Variants in PSMD1 observed in about 807,000 individuals in gnomAD.
The protein encoded by PSMD1 is proteasome 26S subunit, non-ATPase 1, also known as 26S proteasome non-ATPase regulatory subunit 1.
Under a neutral mutation model 119.0 loss-of-function variants are expected in PSMD1, and 18 were observed. That is an observed-to-expected ratio of 0.15 (90% CI 0.10 to 0.22). PSMD1 has a LOEUF of 0.22. Ranked by LOEUF, PSMD1 falls within the 10% of genes least tolerant of loss-of-function variation. PSMD1 has a pLI of 1.00. For missense variants in PSMD1, 702 were observed against 1,158.5 expected, an observed-to-expected ratio of 0.61 and a Z score of 5.72; for synonymous variants, 374 against 396.6, an observed-to-expected ratio of 0.94 and a Z score of 0.68.
Position 231,062,617 on chromosome 2 carries a change from T to C in PSMD1, c.246T>C (p.Leu82=), listed in dbSNP as rs1322917493. The C allele has an allele frequency of 1.1e-5, 18 of 1,613,562 alleles. No individual in the cohort carries two copies. Among genetic ancestry groups the C allele is most frequent in the Non-Finnish European group, 1.5e-5 (18 of 1,179,838 alleles). ...GAFEESLNYA[L]GAGDLFNVND... ...TTGAGGAGTCTCTGAATTATGCTCT[T>C]GGAGCAGGGGACCTCTTCAATGTCA... The change falls in exon 4 of 25, where the codon CTT becomes CTC. Residue 82 remains leucine, a synonymous_variant. Transcript: ENST00000308696.
intron 16 of PSMD1, among the ~76,000 whole-genome samples, chr2:231,100,040 G>A (rs187987540): frequency 6.6e-6 from 1 of 152,056 alleles, no homozygotes; most frequent in East Asian, 1.9e-4. Context: ...GTTATTCCTC[G>A]CACTGGGTGG....
At chr2:231,084,747 T>G (rs950893510) in intron 14 of PSMD1, among the ~76,000 whole-genome samples, 1 of 152,200 alleles carries the variant, frequency 6.6e-6, no homozygotes, top group Non-Finnish European at 1.5e-5. Context: ...GAGTGGCTGT[T>G]GCTGTTGACT....
Position 231,167,429 on chromosome 2 carries a change from A to G in PSMD1, c.2715+1412A>G, listed in dbSNP as rs187928840. Among the ~76,000 whole-genome samples the G allele has an allele frequency of 1.1e-3, 170 of 152,396 alleles. 2 individuals carry two copies. Among genetic ancestry groups the G allele is most frequent in the African/African-American group, 3.8e-3 (160 of 41,598 alleles). ...GCCATATGAGCACACTGTACACCAC[A>G]GTAGAAAACTAAATGATTGCTAAGC... On this transcript the variant is annotated intron_variant, in intron 23 of 24. Coordinates refer to ENST00000308696, the MANE Select transcript of PSMD1 (RefSeq NM_002807.4).
chr2:231,071,655 A>T lies in PSMD1; in HGVS notation c.655-534A>T, dbSNP rs368437475. ...AGTTGAGTTACTTGCTGCCTAAGGG[A>T]ACAAGAAAATTTAAATTGAGTTTTT... On this transcript the variant is annotated intron_variant, in intron 6 of 24. Transcript: ENST00000308696. 8.2e-4 allele frequency among the ~76,000 whole-genome samples: 125 copies of T among 152,290 alleles called. No individual in the cohort carries two copies. The Middle Eastern group carries it at 0.01, about 12-fold the overall frequency.
intron 16 of PSMD1, among the ~76,000 whole-genome samples, chr2:231,091,083 G>A (rs1427575511): frequency 6.6e-6 from 1 of 152,186 alleles, no homozygotes; most frequent in African/African-American, 2.4e-5. Flanking sequence ...GTGGGCTAGG[G>A]GGCTGCTGGC....
At chr2:231,070,735 T>C (rs1462861955) in intron 6 of PSMD1, among the ~76,000 whole-genome samples, 2 of 152,130 alleles carry the variant, frequency 1.3e-5, no homozygotes, top group South Asian at 2.1e-4. Flanking sequence ...TCCCTACTTA[T>C]TCACACATGT....
At chr2:231,099,846 C>G (rs890220623) in intron 16 of PSMD1, among the ~76,000 whole-genome samples, 1 of 152,118 alleles carries the variant, frequency 6.6e-6, no homozygotes. Flanking sequence ...GTTCACTGCC[C>G]CCCTCCCCCT....
intron 16 of PSMD1, among the ~76,000 whole-genome samples, chr2:231,117,575 A>C (rs1695387886): frequency 6.6e-6 from 1 of 152,172 alleles, no homozygotes; most frequent in Non-Finnish European, 1.5e-5. Context: ...TTATCTAAAG[A>C]ATATCAGTAG....
rs1296763466 is a variant in PSMD1, at chr2:231,079,672, TAAG to T, written c.1239+61_1239+63del. 8.4e-6 allele frequency: 9 copies of T among 1,075,468 alleles called. No individual in the cohort carries two copies. The African/African-American group carries it at 9.7e-5, about 12-fold the overall frequency. 66.6% of individuals were successfully genotyped at this position (1,075,468 alleles called of 1,614,324 possible). On this transcript the variant is annotated intron_variant, in intron 11 of 24. Coordinates refer to ENST00000308696, the MANE Select transcript of PSMD1 (RefSeq NM_002807.4). ...AGAAAAGAAGTAATTTTTCTGGGGT[TAAG>T]AAAAAATAACAGTTTATTATAATTC...
rs530817490 is a variant in PSMD1 at position 231,141,205 on chromosome 2, G to A, written c.1998+2355G>A. 8.5e-5 allele frequency among the ~76,000 whole-genome samples: 13 copies of A among 152,070 alleles called. 1 individual carries two copies. The South Asian group carries it at 2.7e-3, about 32-fold the overall frequency. ...TGTAATCCCAGATACTCGGGAGGCT[G>A]AGGCAGAATTGCTTGAACCCAGGAG... On this transcript the variant is annotated intron_variant, in intron 17 of 24. Coordinates refer to ENST00000308696, the MANE Select transcript of PSMD1 (RefSeq NM_002807.4).
chr2:231,096,945 A>G (rs1401459724), intron 16 of PSMD1, among the ~76,000 whole-genome samples: 3 of 152,224 alleles, frequency 2.0e-5, no homozygotes, highest in Non-Finnish European at 4.4e-5. Flanking sequence ...AGGAAATCGA[A>G]AAAGGTTGCT....
chr2:231,137,230 G>A (rs746401334), intron 16 of PSMD1, among the ~76,000 whole-genome samples: 2 of 151,472 alleles, frequency 1.3e-5, no homozygotes, highest in Non-Finnish European at 2.9e-5. Context: ...GGATTCTCCT[G>A]CTTCAGCCTC....
intron 16 of PSMD1, among the ~76,000 whole-genome samples, chr2:231,114,737 G>T (rs547079349): frequency 6.6e-6 from 1 of 152,042 alleles, no homozygotes; most frequent in Non-Finnish European, 1.5e-5. Flanking sequence ...AAAATTTTAG[G>T]TGTGGATGTG....
chr2:231,144,073 T>C (rs1696194136), intron 17 of PSMD1, among the ~76,000 whole-genome samples: 1 of 152,160 alleles, frequency 6.6e-6, no homozygotes, highest in African/African-American at 2.4e-5. Context: ...CTAATATTTG[T>C]TTATTACTAT....
rs201118764 is a variant in PSMD1, at chr2:231,146,264, A to G, written c.2023A>G (p.Met675Val). 5.1e-5 allele frequency: 83 copies of G among 1,613,540 alleles called. No homozygotes were observed. Among genetic ancestry groups the G allele is most frequent in the Non-Finnish European group, 9.3e-6 (11 of 1,179,662 alleles). The change falls in exon 18 of 25, where the codon ATG becomes GTG. Residue 675 changes from methionine to valine, a missense_variant. Met to Val is a conservative substitution (Grantham distance 21). Transcript: ENST00000308696. ...NKEAINLLEP[M>V]TNDPVNYVRQ... ...GGAAGCCATTAATTTGCTAGAACCA[A>G]TGACAAACGACCCCGTGAACTACGT...
At chr2:231,096,653 G>A (rs952301950) in intron 16 of PSMD1, among the ~76,000 whole-genome samples, 1 of 152,234 alleles carries the variant, frequency 6.6e-6, no homozygotes, top group Non-Finnish European at 1.5e-5. Flanking sequence ...AGCAAGGCAA[G>A]TTACTTCTAT....
chr2:231,092,101 A>G (rs770314713), intron 16 of PSMD1, among the ~76,000 whole-genome samples: 12 of 152,208 alleles, frequency 7.9e-5, no homozygotes, highest in Non-Finnish European at 1.6e-4. Context: ...AGTTGCTAAG[A>G]TGACTATGGC....
intron 16 of PSMD1, among the ~76,000 whole-genome samples, chr2:231,136,102 T>C (rs1361247344): frequency 6.6e-6 from 1 of 152,214 alleles, no homozygotes; most frequent in Non-Finnish European, 1.5e-5. Context: ...TTTTTTAAAA[T>C]GCCTTTTTAA....
chr2:231,123,303 T>C, intron 16 of PSMD1: 1 of 833,024 alleles, frequency 1.2e-6, no homozygotes, highest in Non-Finnish European at 2.0e-6. Context: ...CTTTAAATAG[T>C]CCAAGTTCAT....
Sources: gnomAD v4.1 joint callset for allele counts (sites outside exome capture counted in the v4.1 genomes callset) on GRCh38, gnomAD v4.1.1 for gene constraint, MANE v1.5 for transcripts, NCBI Gene and HGNC (gene_info 2026-07-23, HGNC 2026-07-21) for gene names.